Variants in VAV2 observed in about 807,000 individuals in gnomAD.
The protein encoded by VAV2 is vav guanine nucleotide exchange factor 2, also known as guanine nucleotide exchange factor VAV2.
Under a neutral mutation model 132.5 loss-of-function variants are expected in VAV2, and 67 were observed. The observed-to-expected ratio is 0.51, with a 90% CI of 0.42 to 0.62. The LOEUF is 0.62. Among genes scored for constraint, VAV2 ranks in the 20% least tolerant of loss-of-function variants. The probability of loss-of-function intolerance (pLI) is 0.00; values close to 1 mark genes in which losing one functional copy is unlikely to be tolerated. For missense variants in VAV2, 938 were observed against 1,153.6 expected (o/e 0.81, Z 2.71); for synonymous variants, 492 against 443.5 (o/e 1.11, Z -1.37).
intron 2 of VAV2, among the ~76,000 whole-genome samples, chr9:133,876,419 T>C (rs1486984405): frequency 6.6e-6 from 1 of 152,212 alleles, no homozygotes; most frequent in African/African-American, 2.4e-5. Context: ...ACTATTCCCC[T>C]AAGGAAGGCA....
rs1338852055 is a variant in VAV2 at position 133,782,315 on chromosome 9, C to T, written c.1723+1188G>A. The stretch of plus-strand genomic sequence containing the variant: ...AAAGATTCTAAGTAGCTGCAGCCAT[C>T]GTCTGGGGACATGCGACCACGAGAG... On this transcript the variant is annotated intron_variant, in intron 19 of 29. Transcript: ENST00000371850. Among the ~76,000 whole-genome samples the T allele has an allele frequency of 2.0e-5, 3 of 152,148 alleles. No homozygotes were observed. The East Asian group carries it at 5.8e-4, about 29-fold the overall frequency.
At chr9:133,771,904 A>C in intron 26 of VAV2, 55 bp downstream of exon 26, 1 of 1,507,340 alleles carries the variant, frequency 6.6e-7, no homozygotes, top group Middle Eastern at 1.7e-4. Context: ...GCCGGGAGGA[A>C]GCACCTGTCC....
At chr9:133,979,380 C>T (rs1349523465) in intron 1 of VAV2, among the ~76,000 whole-genome samples, 1 of 152,172 alleles carries the variant, frequency 6.6e-6, no homozygotes, top group Admixed American at 6.5e-5. Flanking sequence ...CGGTCTCCAC[C>T]CTAGGAATGT....
intron 27 of VAV2, 35 bp downstream of exon 27, chr9:133,770,343 G>C (rs1228143215): frequency 6.2e-7 from 1 of 1,612,888 alleles, no homozygotes; most frequent in South Asian, 1.1e-5. Context: ...ACCCCTCCGA[G>C]GAGTGCTGGT....
chr9:133,855,045 C>T (rs1837331920), intron 3 of VAV2, among the ~76,000 whole-genome samples: 2 of 151,626 alleles, frequency 1.3e-5, no homozygotes, highest in Admixed American at 1.3e-4. Context: ...GGACACCAGC[C>T]CAGATGGAAG....
At chr9:133,864,786 G>A (rs553007197) in intron 2 of VAV2, among the ~76,000 whole-genome samples, 23 of 152,316 alleles carry the variant, frequency 1.5e-4, no homozygotes, top group African/African-American at 5.5e-4. Context: ...CGTCCCAATT[G>A]TCCACTTGTG....
chr9:133,936,240 G>A (rs1031988812), intron 2 of VAV2, among the ~76,000 whole-genome samples: 1 of 121,086 alleles, frequency 8.3e-6, no homozygotes, highest in Non-Finnish European at 1.6e-5. Flanking sequence ...CAGCCATTGC[G>A]TCTTTTTTTT....
chr9:133,894,577 G>T (rs1461900753), intron 2 of VAV2, among the ~76,000 whole-genome samples: 1 of 152,192 alleles, frequency 6.6e-6, no homozygotes, highest in African/African-American at 2.4e-5. Context: ...TCTGTCCAGG[G>T]AGGCATGAGG....
At chr9:133,855,918 G>A (rs940441226) in intron 3 of VAV2, among the ~76,000 whole-genome samples, 3 of 152,204 alleles carry the variant, frequency 2.0e-5, no homozygotes, top group African/African-American at 4.8e-5. Context: ...AGTTCATCAC[G>A]TGATAAACGG....
intron 3 of VAV2, among the ~76,000 whole-genome samples, chr9:133,852,031 T>C (rs1300321321): frequency 6.8e-6 from 1 of 147,426 alleles, no homozygotes; most frequent in Admixed American, 6.7e-5. Context: ...TGGAAGGATG[T>C]ATGGATGGAT....
chr9:133,924,226 G>A (rs867123585), intron 2 of VAV2, among the ~76,000 whole-genome samples: 2 of 151,844 alleles, frequency 1.3e-5, no homozygotes, highest in East Asian at 1.9e-4. Context: ...TCTGTTGCCC[G>A]GGCTGGAAGT....
At chr9:133,931,522 C>A (rs1302133867) in intron 2 of VAV2, among the ~76,000 whole-genome samples, 1 of 152,188 alleles carries the variant, frequency 6.6e-6, no homozygotes, top group African/African-American at 2.4e-5. Flanking sequence ...CTGTCCTCTG[C>A]CCAGAAGTGC....
At chr9:133,797,907 G>C in intron 9 of VAV2, 98 bp from the exon 10 acceptor site, 1 of 1,037,144 alleles carries the variant, frequency 9.6e-7, no homozygotes, top group Non-Finnish European at 1.4e-6. Flanking sequence ...CTGTAGGTGC[G>C]CAACCAACAG....
intron 2 of VAV2, among the ~76,000 whole-genome samples, chr9:133,870,909 T>G (rs1588293490): frequency 2.5e-5 from 2 of 79,302 alleles, no homozygotes; most frequent in Admixed American, 1.8e-4. Flanking sequence ...CGTGGGTGGG[T>G]GGGTGGATGG....
chr9:133,765,430 T>C (rs1833400060), intron 29 of VAV2, among the ~76,000 whole-genome samples: 1 of 152,226 alleles, frequency 6.6e-6, no homozygotes, highest in African/African-American at 2.4e-5. Context: ...AACGTCCCCA[T>C]TGTGGTGTTC....
At chr9:133,972,853 G>A (rs999122376) in intron 1 of VAV2, among the ~76,000 whole-genome samples, 1 of 152,154 alleles carries the variant, frequency 6.6e-6, no homozygotes, top group African/African-American at 2.4e-5. Context: ...GATCTCACGT[G>A]CCCACTGGAC....
chr9:133,813,327 G>A (rs2510249), intron 4 of VAV2, among the ~76,000 whole-genome samples: 19,913 of 152,304 alleles, frequency 0.13, 1,380 homozygotes, highest in South Asian at 0.22. Flanking sequence ...GGCGAGGCAG[G>A]GACAGAAGCC....
In VAV2 at chr9:133,883,371, G is replaced by C. The variant is rs987979121; in HGVS notation, c.322-21939C>G. ...CCGGGGTGTGCCAAGTGAGTGTGGG[G>C]CTGACGGGTGTGAGCCACAGTGGGC... On this transcript the variant is annotated intron_variant, in intron 2 of 29. Coordinates refer to ENST00000371850, the MANE Select transcript of VAV2 (RefSeq NM_001134398.2). This position sits in a 1 kb window ranked among gnomAD's most constrained non-coding sequence, Gnocchi z 4.2. Among the ~76,000 whole-genome samples, 5 of 152,254 alleles carry C rather than the reference G, an allele frequency of 3.3e-5. No homozygotes were observed.
chr9:133,812,111 C>A lies in VAV2; in HGVS notation c.552+3G>T. 6.2e-7 allele frequency: 1 copy of A among 1,613,784 alleles called. No individual in the cohort carries two copies. Among genetic ancestry groups the A allele is most frequent in the Non-Finnish European group, 8.5e-7 (1 of 1,179,910 alleles). ...AGGGAGGGAGGAGCGGGGCAGGGCT[C>A]ACCATGGGCTGCTGCACCTCCACCT... is the stretch of plus-strand genomic sequence containing the variant. On this transcript the variant is annotated splice_donor_region_variant and intron_variant, in intron 5 of 29. Coordinates refer to ENST00000371850, the MANE Select transcript of VAV2 (RefSeq NM_001134398.2).
Sources: gnomAD v4.1 joint callset for allele counts (sites outside exome capture counted in the v4.1 genomes callset) on GRCh38, gnomAD v4.1.1 for gene constraint, Gnocchi (gnomAD v3.1) non-coding constraint, MANE v1.5 for transcripts, NCBI Gene and HGNC (gene_info 2026-07-23, HGNC 2026-07-21) for gene names.